Variants in FEZ2 observed in about 807,000 individuals in gnomAD.
FEZ2 encodes the protein fasciculation and elongation protein zeta 2.
Under a neutral mutation model 40.4 loss-of-function variants are expected in FEZ2, and 51 were observed. The observed-to-expected ratio is 1.26, with a 90% CI of 1.01 to 1.59. The LOEUF (loss-of-function observed/expected upper bound fraction) is 1.59. FEZ2 is among the 40% of genes most tolerant of loss of function. FEZ2 has a pLI of 0.00. For synonymous variants in FEZ2, 242 were observed against 172.0 expected (o/e 1.41, Z -3.18); for missense variants, 640 against 438.3 (o/e 1.46, Z -4.11).
At chr2:36,595,309 G>A (rs1320108192) in intron 1 of FEZ2, among the ~76,000 whole-genome samples, 2 of 151,910 alleles carry the variant, frequency 1.3e-5, no homozygotes, top group Admixed American at 6.6e-5. Flanking sequence ...ATCAATGGGA[G>A]CCCTGAGCTT....
intron 7 of FEZ2, 118 bp downstream of exon 7, chr2:36,555,565 A>G (rs533129500): frequency 5.6e-6 from 3 of 532,300 alleles, no homozygotes; most frequent in African/African-American, 2.0e-5. Flanking sequence ...ACCCTGCATA[A>G]TAAGATTAAT....
Position 36,578,663 on chromosome 2 carries a change from C to A in FEZ2, c.837G>T (p.Lys279Asn), listed in dbSNP as rs764864268. 6 of 1,613,564 alleles carry A rather than the reference C, an allele frequency of 3.7e-6. No homozygotes were observed. Among genetic ancestry groups the A allele is most frequent in the Admixed American group, 1.7e-5 (1 of 59,890 alleles). ...AGCTGCCATTTTTTAGTTTCTTTTT[C>A]TTTTTTGCTGTTTCTTTGTGCTCTT... ...KQKEHKETAK[K>N]KKKLKNGSSQ... The change falls in exon 5 of 8, where the codon AAG (lysine) becomes AAT (asparagine). Residue 279 changes from lysine to asparagine, a missense_variant. Coordinates refer to ENST00000405912, the MANE Select transcript of FEZ2 (RefSeq NM_005102.3).
chr2:36,588,698 T>C (rs1215476818), intron 2 of FEZ2, among the ~76,000 whole-genome samples: 1 of 152,142 alleles, frequency 6.6e-6, no homozygotes, highest in East Asian at 1.9e-4. Context: ...ACAATATTTA[T>C]ATTATAAAGT....
chr2:36,583,554 A>G, intron 2 of FEZ2, 85 bp from the exon 3 acceptor site: 1 of 730,476 alleles, frequency 1.4e-6, no homozygotes, highest in Admixed American at 2.0e-5. Context: ...GGCTGCAGAG[A>G]AAAGCAACTA....
intron 1 of FEZ2, chr2:36,594,696 C>A (rs891393890): frequency 6.6e-6 from 1 of 152,428 alleles, no homozygotes; most frequent in South Asian, 2.1e-4. Context: ...GTATCACTGA[C>A]TATAGACCTA....
Position 36,597,947 on chromosome 2 carries a change from C to G in FEZ2, c.196G>C (p.Asp66His), listed in dbSNP as rs1558463882. ...EKLSLCFRPS[D>H]PGAEPPRTAV... The stretch of plus-strand genomic sequence containing the variant: ...GTCCTCGGGGGCTCGGCGCCCGGAT[C>G]CGAGGGGCGGAAGCACAGGCTCAGC... The change falls in exon 1 of 8, where the codon GAT becomes CAT. Residue 66 changes from aspartate to histidine, a missense_variant. Physicochemically the swap from Asp to His is moderately conservative, Grantham distance 81. Transcript: ENST00000405912. 2.7e-6 allele frequency: 4 copies of G among 1,457,604 alleles called. No homozygotes were observed. The highest frequency in any genetic ancestry group is 2.7e-6 in the Non-Finnish European group (3 of 1,111,836). 90.3% of individuals were successfully genotyped at this position (1,457,604 alleles called of 1,614,324 possible).
At chr2:36,579,538 T>G (rs927849695) in intron 4 of FEZ2, among the ~76,000 whole-genome samples, 1 of 151,936 alleles carries the variant, frequency 6.6e-6, no homozygotes, top group African/African-American at 2.4e-5. Context: ...TGTTTAAAAG[T>G]GTGTGGCACT....
chr2:36,553,250 C>G (rs1007418289), intron 7 of FEZ2, 71 bp from the exon 8 acceptor site: 1 of 1,111,912 alleles, frequency 9.0e-7, no homozygotes, highest in African/African-American at 1.6e-5. Flanking sequence ...ATACATTTTA[C>G]ATGTACATTT....
At chr2:36,594,938 G>C (rs1669170645) in intron 1 of FEZ2, among the ~76,000 whole-genome samples, 1 of 152,224 alleles carries the variant, frequency 6.6e-6, no homozygotes, top group South Asian at 2.1e-4. Flanking sequence ...GAAGGACACA[G>C]AGGCAACTCT....
chr2:36,564,315 T>C (rs1668173058), intron 5 of FEZ2, among the ~76,000 whole-genome samples: 1 of 152,160 alleles, frequency 6.6e-6, no homozygotes, highest in African/African-American at 2.4e-5. Context: ...CTGAATTCAA[T>C]GTCCTCTTCC....
chr2:36,553,014 A>T lies in FEZ2; in HGVS notation c.*149T>A. On this transcript the variant is annotated 3_prime_UTR_variant, in exon 8 of 8. Coordinates refer to ENST00000405912, the MANE Select transcript of FEZ2 (RefSeq NM_005102.3). ...TTCCGTTGGTTCTATAATATAAAGA[A>T]TTAGTGTAGTCAAGATCTGTTAATA... The T allele has an allele frequency of 1.6e-6, 1 of 618,902 alleles. No homozygotes were observed. The highest frequency in any genetic ancestry group is 2.9e-6 in the Non-Finnish European group (1 of 345,770). 38.3% of individuals were successfully genotyped at this position (618,902 alleles called of 1,614,324 possible). A position where few individuals can be genotyped will look rare whatever the true frequency, so the allele number is the denominator to read the frequency against.
intron 1 of FEZ2, among the ~76,000 whole-genome samples, chr2:36,593,844 G>T (rs200484477): frequency 8.9e-5 from 13 of 146,846 alleles, no homozygotes; most frequent in East Asian, 2.1e-4. Context: ...CAGAAAATGG[G>T]TTTTTTTTTT....
In FEZ2 at chr2:36,581,306, G is replaced by A. The variant is rs35442829; in HGVS notation, c.618C>T (p.Thr206=). Residue 206 remains threonine (T), a synonymous_variant, in exon 4 of 8, where the codon ACC becomes ACT. Coordinates refer to ENST00000405912, the MANE Select transcript of FEZ2 (RefSeq NM_005102.3). ...QEIQTLKRSS[T]GSYEERVKRL... ...CTCCCTTACTCTCTTCATAACTGCC[G>A]GTACTAGACCTCTTGAGAGTTTGAA... 2.8e-4 allele frequency: 454 copies of A among 1,613,694 alleles called. 2 individuals carry two copies. In the African/African-American group the frequency reaches 5.0e-3, roughly 18 times the overall value.
chr2:36,584,400 C>T (rs1221095973), intron 2 of FEZ2, among the ~76,000 whole-genome samples: 1 of 152,214 alleles, frequency 6.6e-6, no homozygotes, highest in African/African-American at 2.4e-5. Context: ...TTTCCCTTAA[C>T]CCTGCCCACA....
intron 2 of FEZ2, among the ~76,000 whole-genome samples, chr2:36,588,231 T>C (rs1668961133): frequency 6.6e-6 from 1 of 152,030 alleles, no homozygotes; most frequent in African/African-American, 2.4e-5. Flanking sequence ...TTTCACCGTG[T>C]TGGTAAGGCT....
chr2:36,586,702 AG>A (rs1668909009), intron 2 of FEZ2, among the ~76,000 whole-genome samples: 1 of 152,082 alleles, frequency 6.6e-6, no homozygotes. Context: ...ACACTTTGGG[AG>A]GCCAAGGTGG....
Position 36,591,023 on chromosome 2 carries a change from G to A in FEZ2, c.267-12C>T. The A allele has an allele frequency of 2.0e-6, 3 of 1,475,850 alleles. No individual in the cohort carries two copies. The highest frequency in any genetic ancestry group is 1.9e-6 in the Non-Finnish European group (2 of 1,054,666). 91.4% of individuals were successfully genotyped at this position (1,475,850 alleles called of 1,614,324 possible). A position where few individuals can be genotyped will look rare whatever the true frequency, so the allele number is the denominator to read the frequency against. ...GGGCATTCCAAATCCTTAAAAAGAA[G>A]AAAGCTACAATCAATGAAAATTAAC... On this transcript the variant is annotated splice_polypyrimidine_tract_variant and intron_variant, in intron 1 of 7. Coordinates refer to ENST00000405912, the MANE Select transcript of FEZ2 (RefSeq NM_005102.3).
Position 36,554,344 on chromosome 2 carries a change from T to C in FEZ2, c.1046-1165A>G, listed in dbSNP as rs574462194. ...TGGGTCATAACATCCTTCCATGCAGTTAAATGCTAAAATAGCTAGAGAATG... is the reference window on the plus strand; with the variant it reads ...TGGGTCATAACATCCTTCCATGCAGCTAAATGCTAAAATAGCTAGAGAATG... On this transcript the variant is annotated intron_variant, in intron 7 of 7. Transcript: ENST00000405912. 1.1e-4 allele frequency: 52 copies of C among 470,704 alleles called. 1 individual carries two copies. The highest frequency in any genetic ancestry group is 7.9e-4 in the South Asian group (51 of 64,530). The allele number at this position is 470,704 out of a possible 1,614,324, so 29.2% of individuals were successfully genotyped here. A position where few individuals can be genotyped will look rare whatever the true frequency, so the allele number is the denominator to read the frequency against.
chr2:36,597,480 G>A (rs1445695774), intron 1 of FEZ2, among the ~76,000 whole-genome samples: 1 of 152,214 alleles, frequency 6.6e-6, no homozygotes. Context: ...TGTTCCCTGT[G>A]CGAAGCAGCG....
Sources: allele counts gnomAD v4.1 joint callset (sites outside exome capture counted in the v4.1 genomes callset), GRCh38; gene constraint gnomAD v4.1.1; transcripts MANE v1.5; gene names NCBI Gene and HGNC (gene_info 2026-07-23, HGNC 2026-07-21).